The following PTCHD4 variants were observed in gnomAD, a reference collection of about 807,000 sequenced individuals.
The protein encoded by PTCHD4 is patched domain containing 4.
In PTCHD4, 33 loss-of-function variants were observed where a neutral mutation model predicts 58.1. That is an observed-to-expected ratio of 0.57 (90% CI 0.43 to 0.76). The LOEUF is 0.76. PTCHD4 is among the 30% of genes least tolerant of loss of function. PTCHD4 has a pLI of 0.00. For missense variants in PTCHD4, 1,058 were observed against 1,027.1 expected (o/e 1.03, Z -0.41); for synonymous variants, 478 against 409.6 (o/e 1.17, Z -2.02).
intron 4 of PTCHD4, among the ~76,000 whole-genome samples, chr6:47,902,455 G>A (rs1764741502): frequency 6.6e-6 from 1 of 152,066 alleles, no homozygotes; most frequent in South Asian, 2.1e-4. Flanking sequence ...AAAATTCAGG[G>A]GTAAAACTAT....
chr6:48,110,283 C>T (rs981227497), intron 1 of PTCHD4, among the ~76,000 whole-genome samples: 4 of 152,018 alleles, frequency 2.6e-5, no homozygotes, highest in African/African-American at 9.7e-5. Flanking sequence ...ACTATTTAGT[C>T]TTTGGAAAGA....
intron 4 of PTCHD4, among the ~76,000 whole-genome samples, chr6:47,966,740 T>A (rs1449220859): frequency 6.6e-6 from 1 of 152,208 alleles, no homozygotes; most frequent in Non-Finnish European, 1.5e-5. Context: ...AAACCAATTT[T>A]TTTTGCTCAT....
At chr6:47,995,379 G>A (rs1398277636) in intron 4 of PTCHD4, among the ~76,000 whole-genome samples, 1 of 152,182 alleles carries the variant, frequency 6.6e-6, no homozygotes, top group Non-Finnish European at 1.5e-5. Context: ...TCATCAGGTA[G>A]CACTGCTTTA....
chr6:48,042,765 T>C (rs1763890485), intron 3 of PTCHD4, among the ~76,000 whole-genome samples: 1 of 151,956 alleles, frequency 6.6e-6, no homozygotes, highest in African/African-American at 2.4e-5. Context: ...CTTGCTTTAG[T>C]CAAAACATTA....
intron 1 of PTCHD4, among the ~76,000 whole-genome samples, chr6:48,084,739 T>C (rs1171737866): frequency 4.0e-5 from 6 of 149,918 alleles, no homozygotes; most frequent in African/African-American, 7.3e-5. Context: ...TTCTTTCTTT[T>C]TTTTTTTTTT....
At chr6:48,074,493 C>T (rs1365973126) in intron 1 of PTCHD4, among the ~76,000 whole-genome samples, 1 of 152,178 alleles carries the variant, frequency 6.6e-6, no homozygotes, top group Non-Finnish European at 1.5e-5. Flanking sequence ...TCCCAGAAGG[C>T]CTCCAGTAGA....
At chr6:47,897,146 C>CTA (rs1344846478) in intron 4 of PTCHD4, among the ~76,000 whole-genome samples, 1 of 152,144 alleles carries the variant, frequency 6.6e-6, no homozygotes, top group Non-Finnish European at 1.5e-5. Context: ...GACCCCTACT[C>CTA]CACTTTCATT....
rs1763651304 is a variant in PTCHD4 at position 47,869,100 on chromosome 6, T to C, written c.*9203A>G. 1.3e-5 allele frequency among the ~76,000 whole-genome samples: 2 copies of C among 151,768 alleles called. No individual in the cohort carries two copies. The highest frequency in any genetic ancestry group is 4.1e-4 in the South Asian group (2 of 4,828). Reference sequence around the variant, plus strand: ...GTTTAAGTATAATTTTGGCATCAAGTGACCTTACATATTTTGAATGTTGGT... The same window carrying C: ...GTTTAAGTATAATTTTGGCATCAAGCGACCTTACATATTTTGAATGTTGGT... On this transcript the variant is annotated 3_prime_UTR_variant, in exon 5 of 5. Coordinates refer to ENST00000339488, the MANE Select transcript of PTCHD4 (RefSeq NM_001384253.1).
At chr6:48,097,280 T>C (rs1765492955) in intron 1 of PTCHD4, among the ~76,000 whole-genome samples, 1 of 152,194 alleles carries the variant, frequency 6.6e-6, no homozygotes, top group African/African-American at 2.4e-5. Context: ...CTTTTTATTG[T>C]TAAGATGTGG....
At chr6:47,923,897 T>C (rs533136068) in intron 4 of PTCHD4, among the ~76,000 whole-genome samples, 13 of 152,280 alleles carry the variant, frequency 8.5e-5, no homozygotes, top group African/African-American at 2.9e-4. Context: ...GGGCAGTGAT[T>C]CCTTAAAATC....
chr6:47,869,317 T>C lies in PTCHD4; in HGVS notation c.*8986A>G, dbSNP rs563911700. Among the ~76,000 whole-genome samples, 3 of 151,874 alleles carry C rather than the reference T, an allele frequency of 2.0e-5. No individual in the cohort carries two copies. Among genetic ancestry groups the C allele is most frequent in the African/African-American group, 4.8e-5 (2 of 41,504 alleles). The stretch of plus-strand genomic sequence containing the variant: ...TGCTTTGTGATTAATCTCTGGGTAC[T>C]ACTGAGGAGCCGCTGGCTCACTCAT... On this transcript the variant is annotated 3_prime_UTR_variant, in exon 5 of 5. Transcript: ENST00000339488.
At chr6:47,994,236 A>C (rs1768391969) in intron 4 of PTCHD4, among the ~76,000 whole-genome samples, 1 of 152,168 alleles carries the variant, frequency 6.6e-6, no homozygotes, top group Admixed American at 6.5e-5. Context: ...TGGGAAGAAA[A>C]TATGGTGGCA....
At chr6:47,948,355 C>G (rs1461769851) in intron 4 of PTCHD4, among the ~76,000 whole-genome samples, 1 of 152,152 alleles carries the variant, frequency 6.6e-6, no homozygotes, top group Non-Finnish European at 1.5e-5. Flanking sequence ...ATAATATAAT[C>G]ACAGAAGTGG....
At chr6:47,976,738 C>T (rs1767706846) in intron 4 of PTCHD4, among the ~76,000 whole-genome samples, 1 of 151,026 alleles carries the variant, frequency 6.6e-6, no homozygotes, top group Admixed American at 6.6e-5. Context: ...ATATGTCCCT[C>T]TTAAAAATGG....
intron 4 of PTCHD4, among the ~76,000 whole-genome samples, chr6:47,935,337 A>AG (rs1055022682): frequency 1.3e-5 from 2 of 152,192 alleles, no homozygotes; most frequent in African/African-American, 4.8e-5. Flanking sequence ...AGTCTCAATT[A>AG]GGGGAAAAAT....
chr6:47,882,429 C>A (rs1028064697), intron 4 of PTCHD4, among the ~76,000 whole-genome samples: 3 of 151,946 alleles, frequency 2.0e-5, no homozygotes, highest in Non-Finnish European at 2.9e-5. Flanking sequence ...TTGGAGATGG[C>A]GTGTTTTATC....
intron 3 of PTCHD4, among the ~76,000 whole-genome samples, chr6:48,019,285 C>T (rs563008440): frequency 1.3e-5 from 2 of 151,796 alleles, no homozygotes; most frequent in Non-Finnish European, 3.0e-5. Context: ...TGCTATACCG[C>T]TATCGAGGAT....
chr6:47,897,041 T>A (rs1027936387), intron 4 of PTCHD4, among the ~76,000 whole-genome samples: 1 of 152,300 alleles, frequency 6.6e-6, no homozygotes, highest in Non-Finnish European at 1.5e-5. Context: ...AATTGAGGAA[T>A]GAATGTGTGC....
At chr6:47,991,625 T>A (rs917874397) in intron 4 of PTCHD4, among the ~76,000 whole-genome samples, 19 of 149,036 alleles carry the variant, frequency 1.3e-4, no homozygotes, top group African/African-American at 4.4e-4. Context: ...TAATGAAGTT[T>A]AAAAAAAAAA....
Sources: gnomAD v4.1 joint callset for allele counts (sites outside exome capture counted in the v4.1 genomes callset) on GRCh38, gnomAD v4.1.1 for gene constraint, MANE v1.5 for transcripts, NCBI Gene and HGNC (gene_info 2026-07-23, HGNC 2026-07-21) for gene names.